ENTPD5: variants seen among roughly 807,000 people sequenced by gnomAD.
ENTPD5 encodes the protein ectonucleoside triphosphate diphosphohydrolase 5 (inactive), also known as nucleoside diphosphate phosphatase ENTPD5.
Under a neutral mutation model 60.2 loss-of-function variants are expected in ENTPD5, and 49 were observed. The observed-to-expected ratio is 0.81, with a 90% CI of 0.65 to 1.03. The LOEUF is 1.03. Ranked by LOEUF, ENTPD5 falls within the 50% of genes least tolerant of loss-of-function variation. The pLI, the probability that ENTPD5 is intolerant of heterozygous loss-of-function variation, is 0.00. For synonymous variants in ENTPD5, 187 were observed against 185.4 expected, an observed-to-expected ratio of 1.01 and a Z score of -0.07; for missense variants, 480 against 507.6, an observed-to-expected ratio of 0.95 and a Z score of 0.52.
Position 73,986,895 on chromosome 14 carries a change from T to A in ENTPD5, c.218-2A>T. Reference sequence around the variant, plus strand: ...CCCCTTCTAGAATTGGAAGCTGTCCTATTTTGTCCATGGAACAAAACAGAA... The same window carrying A: ...CCCCTTCTAGAATTGGAAGCTGTCCAATTTTGTCCATGGAACAAAACAGAA... On this transcript the variant is annotated splice_acceptor_variant, in intron 4 of 15. Coordinates refer to ENST00000334696, the MANE Select transcript of ENTPD5 (RefSeq NM_001249.5). LOFTEE classifies it high-confidence loss of function. 1 of 1,613,262 alleles carries A rather than the reference T, an allele frequency of 6.2e-7. No individual in the cohort carries two copies. Among genetic ancestry groups the A allele is most frequent in the Non-Finnish European group, 8.5e-7 (1 of 1,179,178 alleles).
rs1194531797 is a variant in ENTPD5, at chr14:73,970,101, G to A, written c.1109C>T (p.Thr370Ile). The change falls in exon 15 of 16, where the codon ACC becomes ATC. Residue 370 changes from threonine (T) to isoleucine (I), a missense_variant. By Grantham distance (89) the Thr-to-Ile change is moderately conservative. Coordinates refer to ENST00000334696, the MANE Select transcript of ENTPD5 (RefSeq NM_001249.5). ...REVCDNLENF[T>I]SGSPFLCMDL... ...CATGCACAGGAAAGGACTGCCTGAGGTGAAGTTTTCCAAGTTATCACACAC... is the reference window on the plus strand; with the variant it reads ...CATGCACAGGAAAGGACTGCCTGAGATGAAGTTTTCCAAGTTATCACACAC... 1.2e-6 allele frequency: 2 copies of A among 1,613,756 alleles called. No homozygotes were observed. Among genetic ancestry groups the A allele is most frequent in the East Asian group, 2.2e-5 (1 of 44,886 alleles).
rs747418436 is a variant in ENTPD5 at position 73,976,450 on chromosome 14, C to T, written c.554-38G>A. The T allele has an allele frequency of 5.9e-6, 9 of 1,521,676 alleles. No individual in the cohort carries two copies. In the Admixed American group the frequency reaches 1.5e-4, roughly 25 times the overall value. 94.3% of individuals were successfully genotyped at this position (1,521,676 alleles called of 1,614,324 possible). On this transcript the variant is annotated intron_variant, in intron 8 of 15. Transcript: ENST00000334696. Reference sequence around the variant, plus strand: ...AGCCAGCTCTAAATAGCCTCGACATCCTGGGCAGCCCAACACTTGTCTCTC... The same window carrying T: ...AGCCAGCTCTAAATAGCCTCGACATTCTGGGCAGCCCAACACTTGTCTCTC...
At chr14:73,958,546 G>C (rs2056554296), downstream of ENTPD5, 1 of 1,314,774 alleles carries the variant, frequency 7.6e-7, no homozygotes, top group African/African-American at 1.5e-5. Flanking sequence ...AATGGAGGCT[G>C]TTCTTTCCCT....
chr14:73,958,794 A>C (rs1170232404), downstream of ENTPD5: 1 of 1,508,918 alleles, frequency 6.6e-7, no homozygotes, highest in Non-Finnish European at 8.8e-7. Context: ...CTGTTGGCTG[A>C]GGCTGATGTG....
At chr14:73,970,718 T>C (rs1463110421) in intron 14 of ENTPD5, among the ~76,000 whole-genome samples, 1 of 152,208 alleles carries the variant, frequency 6.6e-6, no homozygotes, top group African/African-American at 2.4e-5. Context: ...AAATCCCTTA[T>C]CTATTATTAA....
Position 74,011,135 on chromosome 14 carries a change from A to G in ENTPD5, c.-115T>C. Reference sequence around the variant, plus strand: ...GAATTTTCTCCTTGGTTCCTTTATTATATCACTTTTTCAACCTGTGTAAGA... The same window carrying G: ...GAATTTTCTCCTTGGTTCCTTTATTGTATCACTTTTTCAACCTGTGTAAGA... On this transcript the variant is annotated 5_prime_UTR_variant, in exon 3 of 16. Coordinates refer to ENST00000334696, the MANE Select transcript of ENTPD5 (RefSeq NM_001249.5). 1.4e-5 allele frequency: 12 copies of G among 886,106 alleles called. No individual in the cohort carries two copies. The highest frequency in any genetic ancestry group is 1.6e-5 in the Non-Finnish European group (12 of 739,556). 54.9% of individuals were successfully genotyped at this position (886,106 alleles called of 1,614,324 possible).
chr14:74,003,983 C>T (rs2140808065), intron 3 of ENTPD5, among the ~76,000 whole-genome samples: 1 of 151,388 alleles, frequency 6.6e-6, no homozygotes, highest in South Asian at 2.1e-4. Context: ...TGCACACTTG[C>T]AGTCCCAGCT....
chr14:73,994,249 C>T (rs1233191745), intron 3 of ENTPD5, among the ~76,000 whole-genome samples: 1 of 151,956 alleles, frequency 6.6e-6, no homozygotes, highest in African/African-American at 2.4e-5. Context: ...CCTCAGCCTC[C>T]CTAGAAGCTA....
At chr14:73,970,971 C>T (rs186676073) in intron 14 of ENTPD5, among the ~76,000 whole-genome samples, 2 of 151,618 alleles carry the variant, frequency 1.3e-5, no homozygotes, top group African/African-American at 4.8e-5. Flanking sequence ...GACTACAGGT[C>T]GAACCACTGT....
intron 13 of ENTPD5, 62 bp downstream of exon 13, chr14:73,972,822 G>T (rs1208807597): frequency 4.6e-5 from 72 of 1,576,188 alleles, no homozygotes; most frequent in Non-Finnish European, 6.0e-5. Context: ...CTTTCTCCTT[G>T]ACCTTCCCCA....
At chr14:74,005,749 G>A (rs960467131) in intron 3 of ENTPD5, among the ~76,000 whole-genome samples, 2 of 152,066 alleles carry the variant, frequency 1.3e-5, no homozygotes, top group African/African-American at 4.8e-5. Flanking sequence ...AGAGGTTGCG[G>A]TAAGCTGAGA....
In ENTPD5 at chr14:73,998,105, CAG is replaced by C. The variant is rs546890491; in HGVS notation, c.-70-9935_-70-9934del. Among the ~76,000 whole-genome samples, 170 of 152,212 alleles carry C rather than the reference CAG, an allele frequency of 1.1e-3. 2 individuals are homozygous for C. The highest frequency in any genetic ancestry group is 4.0e-3 in the African/African-American group (165 of 41,498). ...TGCCATTGGAGGTTATATGAGCAAACAGAAAACTGTTCTCATGAAAGCAGGAT... is the reference window on the plus strand; with the variant it reads ...TGCCATTGGAGGTTATATGAGCAAACAAAACTGTTCTCATGAAAGCAGGAT... On this transcript the variant is annotated intron_variant, in intron 3 of 15. Coordinates refer to ENST00000334696, the MANE Select transcript of ENTPD5 (RefSeq NM_001249.5).
chr14:73,990,144 C>T (rs1424008791), intron 3 of ENTPD5, among the ~76,000 whole-genome samples: 1 of 151,996 alleles, frequency 6.6e-6, no homozygotes, highest in Non-Finnish European at 1.5e-5. Context: ...ATGATCATGC[C>T]ATTGCACTCC....
intron 12 of ENTPD5, 62 bp downstream of exon 12, chr14:73,973,815 T>C (rs2057327615): frequency 1.4e-6 from 2 of 1,452,548 alleles, no homozygotes; most frequent in Non-Finnish European, 1.9e-6. Context: ...AAGTTTCCCA[T>C]GGGACTTTTC....
chr14:73,955,630 G>T (rs758492591), downstream of ENTPD5: 1 of 1,347,238 alleles, frequency 7.4e-7, no homozygotes, highest in South Asian at 1.2e-5. Flanking sequence ...CATTCAGTCC[G>T]AGGAAGTGGG....
intron 6 of ENTPD5, among the ~76,000 whole-genome samples, chr14:73,981,007 G>C (rs1238501963): frequency 6.6e-6 from 1 of 152,094 alleles, no homozygotes; most frequent in Admixed American, 6.6e-5. Flanking sequence ...GCTGAGGCAG[G>C]AGAATCGCTT....
chr14:73,957,167 G>A (rs1018188410), downstream of ENTPD5, among the ~76,000 whole-genome samples: 2 of 151,122 alleles, frequency 1.3e-5, no homozygotes, highest in African/African-American at 4.9e-5. Context: ...GCACAGTCTC[G>A]GCTCACTGCA....
At chr14:73,969,978 C>T (rs757861595) in intron 15 of ENTPD5, 32 bp downstream of exon 15, 1 of 1,443,946 alleles carries the variant, frequency 6.9e-7, no homozygotes, top group African/African-American at 1.4e-5. Context: ...CAAAAGAGGG[C>T]TGTTATGAGA....
downstream of ENTPD5, chr14:73,960,943 CAG>C: frequency 3.2e-6 from 2 of 620,012 alleles, no homozygotes; most frequent in Admixed American, 2.4e-5. Context: ...AGGTGAAGCT[CAG>C]AAGTAGGCAG....
Sources: allele counts gnomAD v4.1 joint callset (sites outside exome capture counted in the v4.1 genomes callset), GRCh38; gene constraint gnomAD v4.1.1; transcripts MANE v1.5; gene names NCBI Gene and HGNC (gene_info 2026-07-23, HGNC 2026-07-21).